The following FGF14 variants were observed in gnomAD, a reference collection of about 807,000 sequenced individuals.
FGF14 encodes the protein fibroblast growth factor homologous factor 4.
In FGF14, 5 loss-of-function variants were observed where a neutral mutation model predicts 25.5. That is an observed-to-expected ratio of 0.20 (90% CI 0.10 to 0.41). FGF14 has a LOEUF of 0.41. Among genes scored for constraint, FGF14 ranks in the 10% least tolerant of loss-of-function variants. The probability of loss-of-function intolerance (pLI) is 1.00; values close to 1 mark genes in which losing one functional copy is unlikely to be tolerated. For synonymous variants in FGF14, 138 were observed against 118.3 expected, an observed-to-expected ratio of 1.17 and a Z score of -1.08; for missense variants, 222 against 320.1, an observed-to-expected ratio of 0.69 and a Z score of 2.34.
chr13:101,844,339 G>T (rs2043341031), intron 3 of FGF14, among the ~76,000 whole-genome samples: 1 of 151,970 alleles, frequency 6.6e-6, no homozygotes, highest in South Asian at 2.1e-4. Flanking sequence ...AACCTCACAA[G>T]ACACCATTCC....
chr13:102,158,534 CGG>C (rs202058483), intron 1 of FGF14, among the ~76,000 whole-genome samples: 2 of 57,622 alleles, frequency 3.5e-5, no homozygotes, highest in Non-Finnish European at 6.6e-5. Context: ...GTGGGGGTAG[CGG>C]GGGGGGGATA....
intron 1 of FGF14, among the ~76,000 whole-genome samples, chr13:102,084,446 CCTTA>C (rs1328530618): frequency 2.6e-5 from 4 of 152,128 alleles, no homozygotes; most frequent in South Asian, 2.1e-4. Context: ...CATTTAGCTT[CCTTA>C]CTAACAAGAC....
At chr13:101,895,753 A>T (rs1207014393) in intron 1 of FGF14, among the ~76,000 whole-genome samples, 1 of 152,240 alleles carries the variant, frequency 6.6e-6, no homozygotes, top group Non-Finnish European at 1.5e-5. Flanking sequence ...ACAAAAATGA[A>T]AGGAGAGATT....
chr13:101,873,666 G>A (rs1367210657), intron 2 of FGF14, among the ~76,000 whole-genome samples: 1 of 152,208 alleles, frequency 6.6e-6, no homozygotes, highest in Admixed American at 6.5e-5. Flanking sequence ...AAAAGAAACT[G>A]AGCAGAGATA....
At chr13:101,736,538 T>G (rs1443452393) in intron 3 of FGF14, among the ~76,000 whole-genome samples, 1 of 152,208 alleles carries the variant, frequency 6.6e-6, no homozygotes, top group Non-Finnish European at 1.5e-5. Context: ...TGATATTATC[T>G]TTCTACAAAA....
chr13:102,071,504 T>A (rs2043153142), intron 1 of FGF14, among the ~76,000 whole-genome samples: 1 of 152,184 alleles, frequency 6.6e-6, no homozygotes, highest in African/African-American at 2.4e-5. Flanking sequence ...CTCTTGGTAT[T>A]TTTTATAATC....
chr13:102,125,610 T>C (rs1232373197), intron 1 of FGF14, among the ~76,000 whole-genome samples: 1 of 152,174 alleles, frequency 6.6e-6, no homozygotes, highest in Non-Finnish European at 1.5e-5. Context: ...ATATTCTCTC[T>C]CAGGAAGACA....
chr13:102,033,738 CTAAAGCATT>C (rs1345169780), intron 1 of FGF14, among the ~76,000 whole-genome samples: 1 of 152,126 alleles, frequency 6.6e-6, no homozygotes, highest in Non-Finnish European at 1.5e-5. Flanking sequence ...CTCACTGGCT[CTAAAGCATT>C]TATATCAATT....
intron 1 of FGF14, among the ~76,000 whole-genome samples, chr13:102,182,631 C>A (rs1339562245): frequency 1.3e-5 from 2 of 152,022 alleles, no homozygotes; most frequent in Non-Finnish European, 2.9e-5. Flanking sequence ...TGCATCTTGG[C>A]CCATAAAGTC....
intron 1 of FGF14, among the ~76,000 whole-genome samples, chr13:102,142,835 A>G (rs1419338975): frequency 6.6e-6 from 1 of 152,182 alleles, no homozygotes; most frequent in African/African-American, 2.4e-5. Context: ...TGAATGTTAT[A>G]AACAAGGAGT....
intron 1 of FGF14, among the ~76,000 whole-genome samples, chr13:101,998,423 A>G (rs754662057): frequency 7.9e-5 from 12 of 152,234 alleles, no homozygotes; most frequent in Non-Finnish European, 1.5e-4. Context: ...CATACAAACC[A>G]GAACTCTTTG....
intron 1 of FGF14, among the ~76,000 whole-genome samples, chr13:102,118,194 G>GA (rs2045560152): frequency 6.6e-6 from 1 of 151,786 alleles, no homozygotes; most frequent in African/African-American, 2.4e-5. Context: ...TATATTCATT[G>GA]TATAGGATAA....
chr13:101,892,330 C>CAA (rs138469677), intron 1 of FGF14, among the ~76,000 whole-genome samples: 6 of 151,768 alleles, frequency 4.0e-5, no homozygotes, highest in African/African-American at 1.5e-4. Context: ...TAGAAACAAA[C>CAA]AAAAAAATAG....
intron 1 of FGF14, among the ~76,000 whole-genome samples, chr13:102,167,728 A>T (rs2048077125): frequency 6.6e-6 from 1 of 152,124 alleles, no homozygotes; most frequent in South Asian, 2.1e-4. Context: ...AGTTTCTGAA[A>T]GCCTTGAGAT....
intron 1 of FGF14, among the ~76,000 whole-genome samples, chr13:101,927,863 G>C (rs1473581248): frequency 2.6e-5 from 4 of 151,540 alleles, no homozygotes; most frequent in Admixed American, 2.6e-4. Flanking sequence ...CAGGTGCTCA[G>C]TCAGTGTTTG....
intron 1 of FGF14, among the ~76,000 whole-genome samples, chr13:102,340,149 G>T (rs2056906238): frequency 6.6e-6 from 1 of 152,166 alleles, no homozygotes; most frequent in Non-Finnish European, 1.5e-5. Context: ...ACCAAATTCA[G>T]CTCATTTACA....
At chr13:102,374,320 G>A (rs1303882937) in intron 1 of FGF14, among the ~76,000 whole-genome samples, 1 of 151,724 alleles carries the variant, frequency 6.6e-6, no homozygotes, top group Non-Finnish European at 1.5e-5. Context: ...TCTACTGTCA[G>A]CAAAACACAG....
intron 1 of FGF14, among the ~76,000 whole-genome samples, chr13:102,109,074 G>T (rs569826145): frequency 7.1e-6 from 1 of 139,884 alleles, no homozygotes; most frequent in South Asian, 2.3e-4. Flanking sequence ...GTGTGTGCAT[G>T]CATGTGCAAA....
At chr13:102,165,567 A>C (rs1424754188) in intron 1 of FGF14, among the ~76,000 whole-genome samples, 1 of 150,550 alleles carries the variant, frequency 6.6e-6, no homozygotes, top group Non-Finnish European at 1.5e-5. Context: ...TCGCAAGGAC[A>C]AAAAACCAAA....
Sources: gnomAD v4.1 joint callset for allele counts (sites outside exome capture counted in the v4.1 genomes callset) on GRCh38, gnomAD v4.1.1 for gene constraint, MANE v1.5 for transcripts, NCBI Gene and HGNC (gene_info 2026-07-23, HGNC 2026-07-21) for gene names.